The following OSBPL8 variants were observed in gnomAD, a reference collection of about 807,000 sequenced individuals.
The protein encoded by OSBPL8 is oxysterol binding protein like 8.
OSBPL8 carries 59 observed loss-of-function variants against 125.5 expected under a neutral mutation model. That is an observed-to-expected ratio of 0.47 (90% CI 0.38 to 0.58). OSBPL8 has a LOEUF of 0.58. Among genes scored for constraint, OSBPL8 ranks in the 20% least tolerant of loss-of-function variants. The pLI, the probability that OSBPL8 is intolerant of heterozygous loss-of-function variation, is 0.00. For synonymous variants in OSBPL8, 330 were observed against 338.9 expected (o/e 0.97, Z 0.29); for missense variants, 758 against 1,047.8 (o/e 0.72, Z 3.82).
At chr12:76,447,290 C>G (rs1243347633) in intron 4 of OSBPL8, among the ~76,000 whole-genome samples, 2 of 152,188 alleles carry the variant, frequency 1.3e-5, no homozygotes, top group African/African-American at 4.8e-5. Flanking sequence ...TCACCTAAAT[C>G]TACCAATCTT....
chr12:76,383,438 AAT>A (rs1953149079), intron 15 of OSBPL8, among the ~76,000 whole-genome samples: 1 of 151,894 alleles, frequency 6.6e-6, no homozygotes, highest in Non-Finnish European at 1.5e-5. Context: ...CATCAAGGGA[AAT>A]AAAAGACACC....
At chr12:76,399,725 C>T (rs537081955) in intron 7 of OSBPL8, 148 bp downstream of exon 7, 107 of 543,872 alleles carry the variant, frequency 2.0e-4, no homozygotes, top group Non-Finnish European at 2.9e-4. Flanking sequence ...ACAGAACCTC[C>T]GGGAATACAA....
At chr12:76,465,929 C>A (rs1875367845) in intron 2 of OSBPL8, among the ~76,000 whole-genome samples, 1 of 151,842 alleles carries the variant, frequency 6.6e-6, no homozygotes, top group Admixed American at 6.6e-5. Flanking sequence ...TTTCTTGAAC[C>A]CGGGAGGTGA....
At chr12:76,470,177 T>C (rs913007618) in intron 2 of OSBPL8, among the ~76,000 whole-genome samples, 2 of 152,238 alleles carry the variant, frequency 1.3e-5, no homozygotes, top group African/African-American at 4.8e-5. Flanking sequence ...TTAACCAATA[T>C]GATTTTCACT....
intron 1 of OSBPL8, among the ~76,000 whole-genome samples, chr12:76,506,987 T>C (rs1005004515): frequency 2.0e-5 from 3 of 148,920 alleles, no homozygotes; most frequent in Non-Finnish European, 2.9e-5. Flanking sequence ...ATTGCTTCTG[T>C]TAATTTTTTA....
In OSBPL8 at chr12:76,450,855, G is replaced by A. The variant is rs1873309574; in HGVS notation, c.213C>T (p.Ser71=). Residue 71 remains serine, a synonymous_variant, in exon 4 of 24, where the codon AGC becomes AGT. Coordinates refer to ENST00000261183, the MANE Select transcript of OSBPL8 (RefSeq NM_020841.5). Reference sequence around the variant, plus strand: ...ATGAAAACCACAACTTCCTACCCTGGCTATGAGGACTTGCTGGACTAAGAG... The same window carrying A: ...ATGAAAACCACAACTTCCTACCCTGACTATGAGGACTTGCTGGACTAAGAG... ...QPSLSPASPH[S]QGFERGKEDI... The A allele has an allele frequency of 1.9e-6, 3 of 1,608,206 alleles. No homozygotes were observed. The highest frequency in any genetic ancestry group is 1.7e-6 in the Non-Finnish European group (2 of 1,177,256).
chr12:76,507,020 A>T (rs533965711), intron 1 of OSBPL8, among the ~76,000 whole-genome samples: 1 of 151,982 alleles, frequency 6.6e-6, no homozygotes, highest in African/African-American at 2.4e-5. Flanking sequence ...CTTTTTTGTA[A>T]AAGAGTATGG....
At chr12:76,372,108 T>G (rs999082273) in intron 18 of OSBPL8, among the ~76,000 whole-genome samples, 1 of 152,216 alleles carries the variant, frequency 6.6e-6, no homozygotes, top group African/African-American at 2.4e-5. Context: ...CGGTGCTATC[T>G]ACCTTATCTA....
chr12:76,495,065 T>C (rs890015818), intron 1 of OSBPL8, among the ~76,000 whole-genome samples: 2 of 152,216 alleles, frequency 1.3e-5, no homozygotes, highest in Non-Finnish European at 2.9e-5. Context: ...TCAACAGAGC[T>C]GCCTTCTCTC....
chr12:76,430,924 G>T (rs1396338961), intron 4 of OSBPL8, among the ~76,000 whole-genome samples: 1 of 152,140 alleles, frequency 6.6e-6, no homozygotes, highest in African/African-American at 2.4e-5. Flanking sequence ...AAAAGCATAT[G>T]AAAGTATAAA....
At chr12:76,520,153 A>C (rs947744622) in intron 1 of OSBPL8, among the ~76,000 whole-genome samples, 6 of 152,240 alleles carry the variant, frequency 3.9e-5, no homozygotes, top group African/African-American at 1.4e-4. Context: ...CTTTGTTATA[A>C]CTTGCACAAA....
chr12:76,492,419 TG>T (rs756901543), intron 1 of OSBPL8, among the ~76,000 whole-genome samples: 6 of 152,218 alleles, frequency 3.9e-5, no homozygotes, highest in Non-Finnish European at 8.8e-5. Flanking sequence ...TATTTGGTCC[TG>T]TGGGCCAGGT....
intron 6 of OSBPL8, among the ~76,000 whole-genome samples, chr12:76,402,091 T>C (rs1328734897): frequency 2.6e-5 from 4 of 152,200 alleles, no homozygotes; most frequent in Non-Finnish European, 5.9e-5. Flanking sequence ...TCTGATTTAA[T>C]ATGGGATGCA....
In OSBPL8 at chr12:76,400,106, T is replaced by C. The variant is rs535191102; in HGVS notation, c.367-132A>G. On this transcript the variant is annotated intron_variant, in intron 6 of 23. Coordinates refer to ENST00000261183, the MANE Select transcript of OSBPL8 (RefSeq NM_020841.5). ...ATGGGGTTTTGTTGTACATATTTTA[T>C]CATTCAGGTATTAAGCCTAGTACCC... The C allele has an allele frequency of 2.7e-5, 18 of 664,834 alleles. No individual in the cohort carries two copies. In the African/African-American group the frequency reaches 3.3e-4, roughly 12 times the overall value. 41.2% of individuals were successfully genotyped at this position (664,834 alleles called of 1,614,324 possible). A position where few individuals can be genotyped will look rare whatever the true frequency, so the allele number is the denominator to read the frequency against.
intron 4 of OSBPL8, among the ~76,000 whole-genome samples, chr12:76,440,155 TC>T (rs943193138): frequency 9.2e-5 from 14 of 152,176 alleles, no homozygotes; most frequent in Non-Finnish European, 2.1e-4. Flanking sequence ...TGAAAGATCC[TC>T]AGCTTTATCT....
chr12:76,440,068 G>A (rs558801035), intron 4 of OSBPL8, among the ~76,000 whole-genome samples: 1 of 152,126 alleles, frequency 6.6e-6, no homozygotes, highest in South Asian at 2.1e-4. Context: ...TCAGCATTAA[G>A]GCTATTATTT....
rs1173545590 is a variant in OSBPL8 at position 76,485,703 on chromosome 12, A to G, written c.42+1807T>C. On this transcript the variant is annotated intron_variant, in intron 2 of 23. Coordinates refer to ENST00000261183, the MANE Select transcript of OSBPL8 (RefSeq NM_020841.5). Reference sequence around the variant, plus strand: ...CATCTTAGTAGTAAAGTATTCAGAGACAGACAGATTTCAGTTCTATCGCTT... The same window carrying G: ...CATCTTAGTAGTAAAGTATTCAGAGGCAGACAGATTTCAGTTCTATCGCTT... Among the ~76,000 whole-genome samples the G allele has an allele frequency of 5.9e-5, 9 of 152,344 alleles. No homozygotes were observed. In the East Asian group the frequency reaches 1.7e-3, roughly 29 times the overall value.
intron 1 of OSBPL8, among the ~76,000 whole-genome samples, chr12:76,514,002 T>G (rs1206992255): frequency 6.6e-6 from 1 of 152,170 alleles, no homozygotes; most frequent in Non-Finnish European, 1.5e-5. Context: ...TGTGGTTGTC[T>G]TATAGTGTCA....
chr12:76,356,462 AG>A (rs1951990697), intron 23 of OSBPL8, among the ~76,000 whole-genome samples, 163 bp downstream of exon 23: 1 of 152,020 alleles, frequency 6.6e-6, no homozygotes, highest in Admixed American at 6.5e-5. Context: ...TTAGTGCTGG[AG>A]GAATTTCGTA....
Sources: gnomAD v4.1 joint callset for allele counts (sites outside exome capture counted in the v4.1 genomes callset) on GRCh38, gnomAD v4.1.1 for gene constraint, MANE v1.5 for transcripts, NCBI Gene and HGNC (gene_info 2026-07-23, HGNC 2026-07-21) for gene names.